The following TIPARP variants were observed in gnomAD, a reference collection of about 807,000 sequenced individuals.
TIPARP encodes TCDD inducible poly(ADP-ribose) polymerase, also known as protein mono-ADP-ribosyltransferase TIPARP.
A neutral mutation model predicts 56.5 loss-of-function variants in TIPARP; 12 were observed. The ratio of observed to expected loss-of-function variants is 0.21; its 90% CI spans 0.14 to 0.34. The LOEUF is 0.34. Among genes scored for constraint, TIPARP ranks in the 10% least tolerant of loss-of-function variants. TIPARP has a pLI of 1.00. For missense variants in TIPARP, 604 were observed against 781.6 expected (o/e 0.77, Z 2.71); for synonymous variants, 296 against 265.7 (o/e 1.11, Z -1.11).
At chr3:156,703,969 C>A (rs1235702331) in intron 5 of TIPARP, among the ~76,000 whole-genome samples, 2 of 147,382 alleles carry the variant, frequency 1.4e-5, no homozygotes, top group African/African-American at 5.0e-5. Context: ...GCCGAGATTG[C>A]GCCACTGCAC....
intron 2 of TIPARP, among the ~76,000 whole-genome samples, 198 bp downstream of exon 2, chr3:156,678,812 A>G (rs1161720379): frequency 6.6e-6 from 1 of 152,178 alleles, no homozygotes; most frequent in Non-Finnish European, 1.5e-5. Flanking sequence ...TGAAAGTTTT[A>G]CGATTTGAAC....
At chr3:156,703,847 A>C in intron 5 of TIPARP, 145 bp downstream of exon 5, 1 of 851,700 alleles carries the variant, frequency 1.2e-6, no homozygotes, top group South Asian at 1.8e-5. Context: ...CCCCGTCTCT[A>C]CTAAAAATAG....
In TIPARP at chr3:156,706,342, G is replaced by T. The variant is rs930647490; in HGVS notation, c.*1211G>T. 1 of 152,546 alleles carries T rather than the reference G, an allele frequency of 6.6e-6. No individual in the cohort carries two copies. Among genetic ancestry groups the T allele is most frequent in the Non-Finnish European group, 1.5e-5 (1 of 68,022 alleles). 9.4% of individuals were successfully genotyped at this position (152,546 alleles called of 1,614,324 possible). A position where few individuals can be genotyped will look rare whatever the true frequency, so the allele number is the denominator to read the frequency against. Reference sequence around the variant, plus strand: ...AAAGTAGTTGTTCACAAAAGAATTCGCCATGGAATTCTTTCAGTTACCAAG... The same window carrying T: ...AAAGTAGTTGTTCACAAAAGAATTCTCCATGGAATTCTTTCAGTTACCAAG... On this transcript the variant is annotated 3_prime_UTR_variant, in exon 6 of 6. Coordinates refer to ENST00000295924, the MANE Select transcript of TIPARP (RefSeq NM_015508.5).
intron 2 of TIPARP, among the ~76,000 whole-genome samples, chr3:156,680,346 C>CT (rs1559971046): frequency 2.6e-5 from 4 of 152,160 alleles, no homozygotes; most frequent in Admixed American, 2.6e-4. Context: ...TCCATTTTAT[C>CT]TTAAAAATCT....
intron 2 of TIPARP, 53 bp from the exon 3 acceptor site, chr3:156,693,967 T>C (rs1722645315): frequency 6.5e-7 from 1 of 1,530,918 alleles, no homozygotes; most frequent in Admixed American, 2.2e-5. Flanking sequence ...TATTTCTGTT[T>C]TACAAATTTA....
chr3:156,678,685 G>A, intron 2 of TIPARP, 71 bp downstream of exon 2: 1 of 1,404,164 alleles, frequency 7.1e-7, no homozygotes, highest in South Asian at 1.4e-5. Context: ...TAAAAGCTTA[G>A]TAGGGTGGTT....
Position 156,678,281 on chromosome 3 carries a change from C to G in TIPARP, c.584C>G (p.Thr195Arg). The G allele has an allele frequency of 6.2e-7, 1 of 1,614,174 alleles. No homozygotes were observed. The highest frequency in any genetic ancestry group is 8.5e-7 in the Non-Finnish European group (1 of 1,180,042). The change falls in exon 2 of 6, where the codon ACA becomes AGA. Residue 195 changes from threonine (T) to arginine (R), a missense_variant. Thr to Arg is a moderately conservative substitution (Grantham distance 71). Around this residue, in one of 4 missense-constraint regions of TIPARP, gnomAD observed 261 missense variants for 279.2 expected, o/e 0.93. Transcript: ENST00000295924. ...VPGIFQENSF[T>R]IQYILDTSDK... ...GGCATTTTCCAAGAAAACAGTTTTACAATCCAATACATTCTGGACACCAGT... is the reference window on the plus strand; with the variant it reads ...GGCATTTTCCAAGAAAACAGTTTTAGAATCCAATACATTCTGGACACCAGT...
chr3:156,694,682 A>G lies in TIPARP; in HGVS notation c.1086+494A>G, dbSNP rs57585109. 1.4e-4 allele frequency among the ~76,000 whole-genome samples: 22 copies of G among 152,306 alleles called. No homozygotes were observed. The East Asian group carries it at 3.7e-3, about 25-fold the overall frequency. On this transcript the variant is annotated intron_variant, in intron 3 of 5. Coordinates refer to ENST00000295924, the MANE Select transcript of TIPARP (RefSeq NM_015508.5). ...AATCAGTTATTTACAATTTTCTCCT[A>G]TGTGCACTTGCATCCTTAGTCTGAG...
intron 4 of TIPARP, among the ~76,000 whole-genome samples, chr3:156,700,453 T>G (rs992906114): frequency 7.9e-5 from 12 of 152,180 alleles, no homozygotes; most frequent in African/African-American, 2.9e-4. Context: ...AAAATAGGTG[T>G]TAAAGAGGCC....
chr3:156,703,719 A>C lies in TIPARP; in HGVS notation c.1526+17A>C. 1 of 1,600,914 alleles carries C rather than the reference A, an allele frequency of 6.2e-7. No homozygotes were observed. ...ATATAAAAGGTGAGTCAGATGTATG[A>C]AAAGTTCAAGACGGCCGGGCGCAGT... On this transcript the variant is annotated intron_variant, in intron 5 of 5. Transcript: ENST00000295924.
chr3:156,685,405 C>T (rs1722406474), intron 2 of TIPARP, among the ~76,000 whole-genome samples: 1 of 152,204 alleles, frequency 6.6e-6, no homozygotes, highest in South Asian at 2.1e-4. Context: ...GCAACTATTC[C>T]TTTTCACCTT....
intron 2 of TIPARP, 128 bp from the exon 3 acceptor site, chr3:156,693,892 G>C (rs1319251620): frequency 9.2e-7 from 1 of 1,085,864 alleles, no homozygotes; most frequent in African/African-American, 1.6e-5. Flanking sequence ...TCCAAGTAAA[G>C]CAAGTTTTGA....
At chr3:156,675,998 A>G (rs1256812860) in intron 1 of TIPARP, among the ~76,000 whole-genome samples, 1 of 152,156 alleles carries the variant, frequency 6.6e-6, no homozygotes, top group Non-Finnish European at 1.5e-5. Flanking sequence ...TTGCGTGTGT[A>G]CGCGCAGACA....
intron 3 of TIPARP, among the ~76,000 whole-genome samples, chr3:156,694,499 C>T (rs909004567): frequency 7.9e-5 from 12 of 152,150 alleles, no homozygotes; most frequent in African/African-American, 2.7e-4. Flanking sequence ...GTAATTTTCA[C>T]GACATGAGAA....
intron 4 of TIPARP, 37 bp downstream of exon 4, chr3:156,696,062 A>T: frequency 6.3e-7 from 1 of 1,588,000 alleles, no homozygotes; most frequent in Non-Finnish European, 8.5e-7. Context: ...ATTTACTCTC[A>T]TTTTATGTAA....
chr3:156,681,031 T>A lies in TIPARP; in HGVS notation c.917+2417T>A, dbSNP rs148345188. The stretch of plus-strand genomic sequence containing the variant: ...GAAATGTTGTAATATAGTAGATAGC[T>A]AAGTGTCAAAAATTAGGCTTTTGGG... On this transcript the variant is annotated intron_variant, in intron 2 of 5. Coordinates refer to ENST00000295924, the MANE Select transcript of TIPARP (RefSeq NM_015508.5). 3.3e-3 allele frequency: 1,376 copies of A among 416,366 alleles called. 18 individuals are homozygous for A. The highest frequency in any genetic ancestry group is 0.016 in the Admixed American group (612 of 37,480). 25.8% of individuals were successfully genotyped at this position (416,366 alleles called of 1,614,324 possible). A position where few individuals can be genotyped will look rare whatever the true frequency, so the allele number is the denominator to read the frequency against.
At position 156,702,140 on chromosome 3, in the gene TIPARP, C is replaced by T. The variant is rs557570553; in HGVS notation, c.1248-1284C>T. Among the ~76,000 whole-genome samples, 14 of 150,646 alleles carry T rather than the reference C, an allele frequency of 9.3e-5. No individual in the cohort carries two copies. In the East Asian group the frequency reaches 2.7e-3, roughly 29 times the overall value. On this transcript the variant is annotated intron_variant, in intron 4 of 5. Coordinates refer to ENST00000295924, the MANE Select transcript of TIPARP (RefSeq NM_015508.5). ...CTAGGTTGGAATCCTAGTATCCTGT[C>T]GATCACTTTCTAGCCTTGTTTTAAA...
At chr3:156,688,372 CAAAAAAAAAAAA>C (rs56676116) in intron 2 of TIPARP, among the ~76,000 whole-genome samples, 1 of 83,846 alleles carries the variant, frequency 1.2e-5, no homozygotes, top group African/African-American at 4.6e-5. Flanking sequence ...GACCCTATCT[CAAAAAAAAAAAA>C]AAAAAAAAAA....
chr3:156,679,403 T>A (rs1316532703), intron 2 of TIPARP, among the ~76,000 whole-genome samples: 1 of 146,698 alleles, frequency 6.8e-6, no homozygotes, highest in Non-Finnish European at 1.5e-5. Context: ...GAATTCTTCT[T>A]TAAACTTTAA....
Sources: gnomAD v4.1 joint callset for allele counts (sites outside exome capture counted in the v4.1 genomes callset) on GRCh38, gnomAD v4.1.1 for gene constraint, gnomAD v4.1.1 regional missense constraint, MANE v1.5 for transcripts, NCBI Gene and HGNC (gene_info 2026-07-23, HGNC 2026-07-21) for gene names.